The following DOCK3 variants were observed in gnomAD, a reference collection of about 807,000 sequenced individuals.
DOCK3 encodes dedicator of cytokinesis protein 3.
A neutral mutation model predicts 265.6 loss-of-function variants in DOCK3; 60 were observed. The observed-to-expected ratio is 0.23, with a 90% CI of 0.18 to 0.28. DOCK3 has a LOEUF of 0.28. Ranked by LOEUF, DOCK3 falls within the 10% of genes least tolerant of loss-of-function variation. The probability of loss-of-function intolerance (pLI) is 1.00; values close to 1 mark genes in which losing one functional copy is unlikely to be tolerated. For missense variants in DOCK3, 1,981 were observed against 2,594.3 expected, an observed-to-expected ratio of 0.76 and a Z score of 5.14; for synonymous variants, 881 against 938.0, an observed-to-expected ratio of 0.94 and a Z score of 1.11.
At chr3:51,098,367 C>T (rs977741232) in intron 9 of DOCK3, among the ~76,000 whole-genome samples, 1 of 152,164 alleles carries the variant, frequency 6.6e-6, no homozygotes, top group Admixed American at 6.5e-5. Context: ...AAGTCCCATT[C>T]TTACTCTCTT....
chr3:50,930,151 T>A (rs1248495134), intron 4 of DOCK3, among the ~76,000 whole-genome samples: 1 of 151,436 alleles, frequency 6.6e-6, no homozygotes, highest in Non-Finnish European at 1.5e-5. Flanking sequence ...TTTTTATAGA[T>A]CTTAATGATT....
chr3:50,675,291 T>C lies in DOCK3; in HGVS notation c.28T>C (p.Tyr10His). 1 of 1,271,782 alleles carries C rather than the reference T, an allele frequency of 7.9e-7. No homozygotes were observed. The highest frequency in any genetic ancestry group is 2.6e-5 in the South Asian group (1 of 38,988). The allele number at this position is 1,271,782 out of a possible 1,614,324, so 78.8% of individuals were successfully genotyped here. Residue 10 changes from tyrosine to histidine, a missense_variant, in exon 1 of 53, where the codon TAC becomes CAC. By Grantham distance (83) the Tyr-to-His change is moderately conservative. Around this residue, in one of 4 missense-constraint regions of DOCK3, gnomAD observed 456 missense variants for 539.0 expected, o/e 0.85. Coordinates refer to ENST00000266037, the MANE Select transcript of DOCK3 (RefSeq NM_004947.5). The surrounding 1 kb of genome is among the most constrained non-coding windows in gnomAD (Gnocchi z 6.1). ...GTGGACCCCCACGGAGGAGGAGAAA[T>C]ACGGCGTAGGTAGGTGAGGCTCAGG... MWTPTEEEK[Y>H]GVVICSFRGS...
chr3:51,246,737 G>T lies in DOCK3; in HGVS notation c.2114G>T (p.Arg705Leu), dbSNP rs200055252. 1 of 1,613,044 alleles carries T rather than the reference G, an allele frequency of 6.2e-7. No individual in the cohort carries two copies. Among genetic ancestry groups the T allele is most frequent in the Non-Finnish European group, 8.5e-7 (1 of 1,179,492 alleles). ...AGALAYKELI[R>L]CLKWYMDCSA... ...GTTCTCTTTCCCAGGGAGCTCATCC[G>T]CTGTTTGAAGTGGTATATGGACTGC... The change falls in exon 22 of 53, where the codon CGC becomes CTC. Residue 705 changes from arginine to leucine, a missense_variant. By Grantham distance (102) the Arg-to-Leu change is moderately radical (BLOSUM62 -2). Around this residue, in one of 4 missense-constraint regions of DOCK3, gnomAD observed 1,357 missense variants for 1,866.8 expected, o/e 0.73. Transcript: ENST00000266037.
intron 2 of DOCK3, among the ~76,000 whole-genome samples, chr3:50,838,066 C>T (rs2045614394): frequency 6.6e-6 from 1 of 152,262 alleles, no homozygotes; most frequent in Middle Eastern, 3.4e-3. Context: ...GAAGTTAATA[C>T]CCAAACCATT....
chr3:50,756,547 G>A (rs568445340), intron 1 of DOCK3, among the ~76,000 whole-genome samples: 11 of 152,020 alleles, frequency 7.2e-5, no homozygotes, highest in Non-Finnish European at 1.6e-4. Context: ...GTTTTTATGA[G>A]AGCATATGTT....
intron 27 of DOCK3, among the ~76,000 whole-genome samples, chr3:51,287,349 G>C (rs2081462360): frequency 6.6e-6 from 1 of 152,038 alleles, no homozygotes; most frequent in Admixed American, 6.6e-5. Context: ...AGGAATTCAA[G>C]ACCAGCCTGG....
chr3:51,309,734 G>A (rs1268744440), intron 27 of DOCK3, among the ~76,000 whole-genome samples: 1 of 152,208 alleles, frequency 6.6e-6, no homozygotes, highest in Non-Finnish European at 1.5e-5. Flanking sequence ...CAAGCCTTTG[G>A]TTAACCAGTA....
chr3:51,078,430 A>G (rs911674384), intron 7 of DOCK3, among the ~76,000 whole-genome samples: 10 of 152,308 alleles, frequency 6.6e-5, no homozygotes, highest in Admixed American at 2.6e-4. Flanking sequence ...TGAAGGAATC[A>G]TATTAAAAAC....
chr3:51,257,876 G>GT (rs2079636648), intron 22 of DOCK3, among the ~76,000 whole-genome samples: 1 of 152,158 alleles, frequency 6.6e-6, no homozygotes. Flanking sequence ...AGTTGAATCT[G>GT]TCAGAGGTGG....
At chr3:51,058,124 T>C (rs1402036067) in intron 5 of DOCK3, among the ~76,000 whole-genome samples, 1 of 152,186 alleles carries the variant, frequency 6.6e-6, no homozygotes, top group African/African-American at 2.4e-5. Context: ...GATTGCTCAC[T>C]CACACCATTG....
chr3:50,981,954 G>T (rs1229885374), intron 5 of DOCK3, among the ~76,000 whole-genome samples: 1 of 152,048 alleles, frequency 6.6e-6, no homozygotes, highest in African/African-American at 2.4e-5. Flanking sequence ...GATTCAAGCA[G>T]CTCTCCTGTC....
chr3:50,854,433 T>C (rs1353797668), intron 3 of DOCK3, among the ~76,000 whole-genome samples: 3 of 150,626 alleles, frequency 2.0e-5, no homozygotes, highest in Non-Finnish European at 3.0e-5. Context: ...CCCATCTTTT[T>C]TTTTTTTTAT....
At chr3:51,029,687 C>T (rs1213797011) in intron 5 of DOCK3, among the ~76,000 whole-genome samples, 2 of 152,174 alleles carry the variant, frequency 1.3e-5, no homozygotes, top group African/African-American at 4.8e-5. Flanking sequence ...GTTATATCTC[C>T]AGGGGACCCA....
At chr3:50,762,506 G>T (rs974455566) in intron 1 of DOCK3, among the ~76,000 whole-genome samples, 12 of 152,228 alleles carry the variant, frequency 7.9e-5, no homozygotes, top group Admixed American at 6.5e-4. Flanking sequence ...TATATAAAGA[G>T]TTGAGAAATG....
At chr3:51,201,965 T>C (rs2088808672) in intron 12 of DOCK3, among the ~76,000 whole-genome samples, 2 of 152,160 alleles carry the variant, frequency 1.3e-5, no homozygotes, top group Non-Finnish European at 2.9e-5. Context: ...AGATGTTCTT[T>C]GAAACCAATG....
intron 21 of DOCK3, among the ~76,000 whole-genome samples, chr3:51,239,267 T>G (rs2078489773): frequency 6.6e-6 from 1 of 151,646 alleles, no homozygotes; most frequent in South Asian, 2.1e-4. Flanking sequence ...TGGAGTAGAG[T>G]GGCGCAATCT....
intron 34 of DOCK3, 28 bp from the exon 35 acceptor site, chr3:51,333,130 T>C (rs1560452943): frequency 6.2e-7 from 1 of 1,613,976 alleles, no homozygotes; most frequent in Non-Finnish European, 8.5e-7. Context: ...ATGAATTGTG[T>C]TTGCTTTCTC....
chr3:51,243,856 A>G (rs889329565), intron 21 of DOCK3, among the ~76,000 whole-genome samples: 1 of 152,184 alleles, frequency 6.6e-6, no homozygotes, highest in Admixed American at 6.5e-5. Flanking sequence ...TCTTTGATCC[A>G]CTTTGAGTTA....
At chr3:51,314,850 C>T (rs2083281601) in intron 31 of DOCK3, 130 bp from the exon 32 acceptor site, 3 of 1,168,038 alleles carry the variant, frequency 2.6e-6, no homozygotes, top group Non-Finnish European at 3.4e-6. Flanking sequence ...CCTCAGAAAA[C>T]CATAGGGGAG....
Sources: gnomAD v4.1 joint callset for allele counts (sites outside exome capture counted in the v4.1 genomes callset) on GRCh38, gnomAD v4.1.1 for gene constraint, gnomAD v4.1.1 regional missense constraint, Gnocchi (gnomAD v3.1) non-coding constraint, MANE v1.5 for transcripts, NCBI Gene and HGNC (gene_info 2026-07-23, HGNC 2026-07-21) for gene names.